VPS13D: variants seen among roughly 807,000 people sequenced by gnomAD.
VPS13D encodes intermembrane lipid transfer protein VPS13D.
A neutral mutation model predicts 461.9 loss-of-function variants in VPS13D; 187 were observed. The ratio of observed to expected loss-of-function variants is 0.40; its 90% CI spans 0.36 to 0.46. The LOEUF (loss-of-function observed/expected upper bound fraction) is 0.46. Ranked by LOEUF, VPS13D falls within the 20% of genes least tolerant of loss-of-function variation. The pLI is 0.60. For synonymous variants in VPS13D, 1,951 were observed against 1,986.3 expected, an observed-to-expected ratio of 0.98 and a Z score of 0.47; for missense variants, 4,711 against 5,364.9, an observed-to-expected ratio of 0.88 and a Z score of 3.81.
At chr1:12,273,772 G>C (rs539253204) in intron 18 of VPS13D, among the ~76,000 whole-genome samples, 1 of 152,180 alleles carries the variant, frequency 6.6e-6, no homozygotes, top group East Asian at 1.9e-4. Flanking sequence ...TCGTGTGGCT[G>C]TTCCGCGTTT....
In VPS13D at chr1:12,283,184, C is replaced by T; in HGVS notation, c.5082C>T (p.Ala1694=). 9.3e-6 allele frequency: 15 copies of T among 1,614,096 alleles called. No homozygotes were observed. Among genetic ancestry groups the T allele is most frequent in the Non-Finnish European group, 1.3e-5 (15 of 1,180,016 alleles). The change falls in exon 21 of 70, where the codon GCC becomes GCT. Residue 1694 remains alanine, a synonymous_variant. Coordinates refer to ENST00000620676, the MANE Select transcript of VPS13D (RefSeq NM_015378.4). The part of the protein sequence containing the change: ...KYKNLMVSRG[A]PKPSSLAQKE... Reference sequence around the variant, plus strand: ...AGAACCTGATGGTGTCTCGAGGAGCCCCTAAGCCATCTAGTTTAGCACAAA... The same window carrying T: ...AGAACCTGATGGTGTCTCGAGGAGCTCCTAAGCCATCTAGTTTAGCACAAA...
chr1:12,346,758 A>G (rs1186917298), intron 44 of VPS13D, 106 bp downstream of exon 44: 1 of 1,104,900 alleles, frequency 9.1e-7, no homozygotes, highest in Non-Finnish European at 1.3e-6. Context: ...TATGACATAT[A>G]TGCGATTGAA....
chr1:12,373,793 A>G lies in VPS13D; in HGVS notation c.10852A>G (p.Ile3618Val), dbSNP rs1241044264. The G allele has an allele frequency of 6.3e-7, 1 of 1,596,774 alleles. No individual in the cohort carries two copies. The highest frequency in any genetic ancestry group is 8.5e-7 in the Non-Finnish European group (1 of 1,172,244). Residue 3618 changes from isoleucine (I) to valine (V), a missense_variant, in exon 55 of 70, where the codon ATT (isoleucine) becomes GTT (valine). Ile to Val is a conservative substitution (Grantham distance 29, BLOSUM62 3). Coordinates refer to ENST00000620676, the MANE Select transcript of VPS13D (RefSeq NM_015378.4). ...TGRPVASNKA[I>V]TCAELVLDVS... ...CAGGCCTGTGGCTTCCAACAAGGCCATTACCTGTGCGGAGCTCGTTTTGGA... is the reference window on the plus strand; with the variant it reads ...CAGGCCTGTGGCTTCCAACAAGGCCGTTACCTGTGCGGAGCTCGTTTTGGA...
At chr1:12,275,728 G>T in intron 18 of VPS13D, 97 bp from the exon 19 acceptor site, 1 of 1,241,656 alleles carries the variant, frequency 8.1e-7, no homozygotes, top group South Asian at 1.7e-5. Context: ...AAACAAACTG[G>T]GGTTGGTTGA....
At chr1:12,328,359 CTTTTT>C (rs71570103) in intron 36 of VPS13D, among the ~76,000 whole-genome samples, 1 of 134,196 alleles carries the variant, frequency 7.5e-6, no homozygotes, top group Admixed American at 7.6e-5. Flanking sequence ...GTACTCTATC[CTTTTT>C]TTTTTTTTTT....
chr1:12,419,660 G>A (rs1412849217), intron 65 of VPS13D, among the ~76,000 whole-genome samples: 1 of 152,058 alleles, frequency 6.6e-6, no homozygotes, highest in African/African-American at 2.4e-5. Context: ...CCAAGGGGAT[G>A]GTACTAATCC....
chr1:12,410,110 A>C (rs969159711), intron 63 of VPS13D, among the ~76,000 whole-genome samples: 5 of 152,230 alleles, frequency 3.3e-5, no homozygotes, highest in Non-Finnish European at 7.3e-5. Flanking sequence ...CTTACAGAGA[A>C]GGGACAGGCA....
intron 67 of VPS13D, among the ~76,000 whole-genome samples, chr1:12,490,288 C>T (rs1645859155): frequency 6.6e-6 from 1 of 152,172 alleles, no homozygotes; most frequent in Non-Finnish European, 1.5e-5. Flanking sequence ...TCTGCCCAAC[C>T]TATTTTCCAT....
intron 63 of VPS13D, among the ~76,000 whole-genome samples, chr1:12,411,910 A>G (rs1269658565): frequency 1.3e-5 from 2 of 152,248 alleles, no homozygotes; most frequent in African/African-American, 4.8e-5. Flanking sequence ...CAGGCAGTGC[A>G]GAAGCTCCAA....
Position 12,249,396 on chromosome 1 carries a change from G to T in VPS13D, c.564+57G>T, listed in dbSNP as rs139002088. 140 of 1,443,290 alleles carry T rather than the reference G, an allele frequency of 9.7e-5. No homozygotes were observed. The African/African-American group carries it at 1.8e-3, about 19-fold the overall frequency. 89.4% of individuals were successfully genotyped at this position (1,443,290 alleles called of 1,614,324 possible). On this transcript the variant is annotated intron_variant, in intron 6 of 69. Transcript: ENST00000620676. Reference sequence around the variant, plus strand: ...GAAAGCCATGCTCTAGGAATCTGGGGCTCTGCCTTTTGCCATTTTGTGTTA... The same window carrying T: ...GAAAGCCATGCTCTAGGAATCTGGGTCTCTGCCTTTTGCCATTTTGTGTTA...
intron 19 of VPS13D, among the ~76,000 whole-genome samples, chr1:12,278,711 G>A (rs1484290929): frequency 6.6e-6 from 1 of 152,182 alleles, no homozygotes; most frequent in Non-Finnish European, 1.5e-5. Context: ...CCAAGCTGTC[G>A]ATCCTTCCTA....
intron 67 of VPS13D, among the ~76,000 whole-genome samples, chr1:12,487,725 G>A (rs112525428): frequency 6.6e-6 from 1 of 152,180 alleles, no homozygotes; most frequent in Non-Finnish European, 1.5e-5. Context: ...GGGGCTTCAG[G>A]GCTTCCCAGG....
chr1:12,324,443 G>A (rs959517388), intron 35 of VPS13D, among the ~76,000 whole-genome samples: 3 of 152,152 alleles, frequency 2.0e-5, no homozygotes, highest in Admixed American at 2.0e-4. Flanking sequence ...GGCGGAGGTT[G>A]CAGTGAGCCA....
chr1:12,393,280 A>C (rs1401577266), intron 60 of VPS13D, among the ~76,000 whole-genome samples: 1 of 152,260 alleles, frequency 6.6e-6, no homozygotes, highest in Non-Finnish European at 1.5e-5. Flanking sequence ...AAAGCAATCA[A>C]GGTCTCTCCA....
At chr1:12,257,778 T>TG (rs61332990) in intron 9 of VPS13D, among the ~76,000 whole-genome samples, 157 bp from the exon 10 acceptor site, 46,054 of 152,108 alleles carry the variant, frequency 0.3, 10,538 homozygotes, top group African/African-American at 0.64. Context: ...CTCCACCTAG[T>TG]GGTTTAATAT....
chr1:12,356,284 A>T, intron 48 of VPS13D, 114 bp from the exon 49 acceptor site: 1 of 1,426,854 alleles, frequency 7.0e-7, no homozygotes, highest in Non-Finnish European at 9.4e-7. Flanking sequence ...TGAGCCCACT[A>T]AATAGATTCA....
chr1:12,316,868 G>C (rs1642900114), intron 30 of VPS13D, among the ~76,000 whole-genome samples: 1 of 151,992 alleles, frequency 6.6e-6, no homozygotes. Context: ...CCATTAGTAG[G>C]CTGGGCCTGC....
At position 12,299,396 on chromosome 1, in the gene VPS13D, G is replaced by T; in HGVS notation, c.6216+12G>T. The T allele has an allele frequency of 6.3e-7, 1 of 1,595,374 alleles. No homozygotes were observed. Among genetic ancestry groups the T allele is most frequent in the Non-Finnish European group, 8.5e-7 (1 of 1,173,304 alleles). ...CCCTACAAGATAAGGTGAGCAATCA[G>T]TATCCATTTCCTTTTCCGTTCAGCT... On this transcript the variant is annotated intron_variant, in intron 25 of 69. Coordinates refer to ENST00000620676, the MANE Select transcript of VPS13D (RefSeq NM_015378.4). This position sits in a 1 kb window ranked among gnomAD's most constrained non-coding sequence, Gnocchi z 4.2.
chr1:12,242,905 C>T (rs1021256256), intron 3 of VPS13D, among the ~76,000 whole-genome samples: 1 of 152,032 alleles, frequency 6.6e-6, no homozygotes, highest in Non-Finnish European at 1.5e-5. Flanking sequence ...CTCTGTTCTA[C>T]ATTCAAGGTT....
Sources: allele counts gnomAD v4.1 joint callset (sites outside exome capture counted in the v4.1 genomes callset), GRCh38; gene constraint gnomAD v4.1.1; non-coding constraint Gnocchi (gnomAD v3.1); transcripts MANE v1.5; gene names NCBI Gene and HGNC (gene_info 2026-07-23, HGNC 2026-07-21).